The following ROBO1 variants were observed in gnomAD, a reference collection of about 807,000 sequenced individuals.
The protein encoded by ROBO1 is roundabout homolog 1.
ROBO1 carries 149 observed loss-of-function variants against 195.9 expected under a neutral mutation model. That is an observed-to-expected ratio of 0.76 (90% CI 0.67 to 0.87). The LOEUF is 0.87. ROBO1 is among the 40% of genes least tolerant of loss of function. The pLI is 0.00. For synonymous variants in ROBO1, 816 were observed against 733.2 expected, an observed-to-expected ratio of 1.11 and a Z score of -1.82; for missense variants, 1,933 against 2,068.3, an observed-to-expected ratio of 0.93 and a Z score of 1.27.
intron 1 of ROBO1, among the ~76,000 whole-genome samples, chr3:79,630,598 T>C (rs1945309068): frequency 6.6e-6 from 1 of 152,044 alleles, no homozygotes; most frequent in Non-Finnish European, 1.5e-5. Context: ...ATGCTCACTT[T>C]CAACACTTCT....
At chr3:79,750,868 G>C (rs1397279737) in intron 1 of ROBO1, among the ~76,000 whole-genome samples, 3 of 152,076 alleles carry the variant, frequency 2.0e-5, no homozygotes, top group East Asian at 3.9e-4. Context: ...GATTGTTTCA[G>C]GTGATGAGTC....
At chr3:78,694,278 C>T (rs2081239538) in intron 8 of ROBO1, among the ~76,000 whole-genome samples, 1 of 152,072 alleles carries the variant, frequency 6.6e-6, no homozygotes, top group Non-Finnish European at 1.5e-5. Context: ...ATAGCCCCAG[C>T]AGAAACCTAC....
intron 1 of ROBO1, among the ~76,000 whole-genome samples, chr3:79,642,767 G>C (rs1255842275): frequency 1.3e-5 from 2 of 152,096 alleles, no homozygotes; most frequent in Admixed American, 1.3e-4. Flanking sequence ...GCTAAAAGCA[G>C]TTTTTCACTC....
At chr3:79,569,116 G>A (rs1203248963) in intron 2 of ROBO1, among the ~76,000 whole-genome samples, 2 of 146,370 alleles carry the variant, frequency 1.4e-5, no homozygotes, top group Non-Finnish European at 1.5e-5. Flanking sequence ...ACGCATGCGC[G>A]TGCACACGCG....
chr3:79,627,458 C>A (rs1358023344), intron 1 of ROBO1, among the ~76,000 whole-genome samples: 1 of 152,082 alleles, frequency 6.6e-6, no homozygotes, highest in Non-Finnish European at 1.5e-5. Context: ...ATGCAGGAAA[C>A]TGAAATTGGA....
At position 78,614,930 on chromosome 3, in the gene ROBO1, A is replaced by T. The variant is rs1704027001; in HGVS notation, c.4283-130T>A. On this transcript the variant is annotated intron_variant, in intron 27 of 30. Transcript: ENST00000464233. ...TTCTGAAAAGCAACAAAAAAAGCTTAAACAAACTCTTCCAGCAAATAACAG... is the reference window on the plus strand; with the variant it reads ...TTCTGAAAAGCAACAAAAAAAGCTTTAACAAACTCTTCCAGCAAATAACAG... 5.3e-6 allele frequency: 5 copies of T among 935,570 alleles called. No homozygotes were observed. In the Admixed American group the frequency reaches 1.5e-4, roughly 28 times the overall value. The allele number at this position is 935,570 out of a possible 1,614,324, so 58.0% of individuals were successfully genotyped here. A position where few individuals can be genotyped will look rare whatever the true frequency, so the allele number is the denominator to read the frequency against.
At chr3:79,279,153 C>A (rs949799990) in intron 2 of ROBO1, among the ~76,000 whole-genome samples, 8 of 151,920 alleles carry the variant, frequency 5.3e-5, no homozygotes, top group African/African-American at 1.5e-4. Flanking sequence ...GTAATCCCAG[C>A]TACTCAGGAG....
chr3:79,045,539 T>C (rs914866360), intron 3 of ROBO1, among the ~76,000 whole-genome samples: 1 of 152,030 alleles, frequency 6.6e-6, no homozygotes, highest in African/African-American at 2.4e-5. Context: ...TGAAATGCAA[T>C]ATAAATAACA....
At chr3:79,626,514 C>A (rs538601326) in intron 1 of ROBO1, among the ~76,000 whole-genome samples, 1 of 152,246 alleles carries the variant, frequency 6.6e-6, no homozygotes, top group African/African-American at 2.4e-5. Context: ...ATAGTAAGAG[C>A]TATTTATGAC....
chr3:79,345,420 C>T (rs1009204043), intron 2 of ROBO1, among the ~76,000 whole-genome samples: 1 of 151,994 alleles, frequency 6.6e-6, no homozygotes, highest in Non-Finnish European at 1.5e-5. Flanking sequence ...GCCAGTCTCC[C>T]TTTTTTATAT....
At position 78,929,302 on chromosome 3, in the gene ROBO1, C is replaced by T. The variant is rs922816587; in HGVS notation, c.499+9299G>A. Among the ~76,000 whole-genome samples the T allele has an allele frequency of 2.6e-5, 4 of 152,018 alleles. No homozygotes were observed. In the South Asian group the frequency reaches 6.2e-4, roughly 24 times the overall value. On this transcript the variant is annotated intron_variant, in intron 4 of 30. Coordinates refer to ENST00000464233, the MANE Select transcript of ROBO1 (RefSeq NM_002941.4). Reference sequence around the variant, plus strand: ...ATTAGGCCCCAGATAACCAGATGCACCTTTCCATTTTATTCATTTATAAAG... The same window carrying T: ...ATTAGGCCCCAGATAACCAGATGCATCTTTCCATTTTATTCATTTATAAAG...
chr3:78,678,127 G>A (rs1045080392), intron 10 of ROBO1, among the ~76,000 whole-genome samples: 5 of 152,084 alleles, frequency 3.3e-5, no homozygotes, highest in Admixed American at 6.6e-5. Context: ...TGAAACCAAT[G>A]AGAACAAAGA....
At chr3:78,874,914 TA>T (rs1327771909) in intron 4 of ROBO1, among the ~76,000 whole-genome samples, 1 of 151,926 alleles carries the variant, frequency 6.6e-6, no homozygotes, top group Non-Finnish European at 1.5e-5. Flanking sequence ...TAAATAATCT[TA>T]TATTCAAATT....
intron 2 of ROBO1, among the ~76,000 whole-genome samples, chr3:79,326,857 A>C (rs2034234936): frequency 1.3e-5 from 2 of 152,170 alleles, no homozygotes; most frequent in African/African-American, 4.8e-5. Context: ...AATTCAACTA[A>C]ATGAATATTA....
intron 2 of ROBO1, among the ~76,000 whole-genome samples, chr3:79,300,184 G>A (rs1343020104): frequency 5.9e-5 from 9 of 152,196 alleles, no homozygotes; most frequent in East Asian, 3.9e-4. Flanking sequence ...GGCCAAGGCC[G>A]AGCCGGCTCC....
chr3:79,254,032 C>T (rs1271018043), intron 2 of ROBO1, among the ~76,000 whole-genome samples: 8 of 152,088 alleles, frequency 5.3e-5, no homozygotes, highest in African/African-American at 1.7e-4. Context: ...GTGACTTCTT[C>T]TTGTTTCAGT....
chr3:79,041,835 A>G (rs1446675819), intron 3 of ROBO1, among the ~76,000 whole-genome samples: 1 of 152,210 alleles, frequency 6.6e-6, no homozygotes, highest in African/African-American at 2.4e-5. Context: ...GTGAAGCCCT[A>G]TCATGGCCAA....
intron 4 of ROBO1, among the ~76,000 whole-genome samples, chr3:78,851,298 T>A (rs112363329): frequency 1.0e-3 from 156 of 152,288 alleles, no homozygotes; most frequent in African/African-American, 3.2e-3. Context: ...TTTATTACCT[T>A]TTGCTCTTAA....
At chr3:79,394,763 T>C (rs1425918087) in intron 2 of ROBO1, among the ~76,000 whole-genome samples, 1 of 152,126 alleles carries the variant, frequency 6.6e-6, no homozygotes, top group Non-Finnish European at 1.5e-5. Flanking sequence ...CCTTTAAGGA[T>C]GTAAATAGGC....
Sources: allele counts gnomAD v4.1 joint callset (sites outside exome capture counted in the v4.1 genomes callset), GRCh38; gene constraint gnomAD v4.1.1; transcripts MANE v1.5; gene names NCBI Gene and HGNC (gene_info 2026-07-23, HGNC 2026-07-21).